Variants in WWOX observed in about 807,000 individuals in gnomAD.
WWOX encodes WW domain-containing oxidoreductase.
In WWOX, 69 loss-of-function variants were observed where a neutral mutation model predicts 46.2. That is an observed-to-expected ratio of 1.49 (90% CI 1.23 to 1.82). The LOEUF (loss-of-function observed/expected upper bound fraction) is 1.82, where lower values mean the gene tolerates loss of function less well. Ranked by LOEUF, WWOX falls within the 40% of genes most tolerant of loss-of-function variation. WWOX has a pLI of 0.00. For synonymous variants in WWOX, 359 were observed against 202.6 expected (o/e 1.77, Z -6.56); for missense variants, 919 against 542.6 (o/e 1.69, Z -6.89).
At chr16:78,596,086 A>G (rs1272157537) in intron 8 of WWOX, among the ~76,000 whole-genome samples, 1 of 152,142 alleles carries the variant, frequency 6.6e-6, no homozygotes, top group Non-Finnish European at 1.5e-5. Flanking sequence ...AAAATTTCTA[A>G]TCATGTGTGA....
At chr16:79,014,870 G>C (rs1032036400) in intron 8 of WWOX, among the ~76,000 whole-genome samples, 2 of 152,294 alleles carry the variant, frequency 1.3e-5, no homozygotes, top group African/African-American at 4.8e-5. Context: ...AGCACTTAGT[G>C]AGCATCAGCT....
intron 8 of WWOX, among the ~76,000 whole-genome samples, chr16:79,109,529 C>T (rs993233585): frequency 5.3e-5 from 8 of 152,068 alleles, no homozygotes; most frequent in Non-Finnish European, 8.8e-5. Flanking sequence ...TTTATGGGAT[C>T]TTGGCAAATT....
intron 8 of WWOX, among the ~76,000 whole-genome samples, chr16:79,079,091 C>T (rs921647815): frequency 1.3e-5 from 2 of 152,198 alleles, no homozygotes; most frequent in African/African-American, 4.8e-5. Context: ...TATAAAATGA[C>T]TTCTTGTTCA....
At chr16:78,853,798 A>G (rs1384117780) in intron 8 of WWOX, among the ~76,000 whole-genome samples, 1 of 152,096 alleles carries the variant, frequency 6.6e-6, no homozygotes, top group Non-Finnish European at 1.5e-5. Flanking sequence ...GAGATGCCAT[A>G]AGCAGTCCTT....
chr16:79,040,625 T>G (rs2047952895), intron 8 of WWOX, among the ~76,000 whole-genome samples: 1 of 152,148 alleles, frequency 6.6e-6, no homozygotes, highest in Non-Finnish European at 1.5e-5. Flanking sequence ...AGGAAAATCA[T>G]GACTGTAAAA....
chr16:78,893,334 G>C (rs148986252), intron 8 of WWOX, among the ~76,000 whole-genome samples: 18 of 152,230 alleles, frequency 1.2e-4, no homozygotes, highest in African/African-American at 4.1e-4. Context: ...CCTTTCGCCT[G>C]TCCCCTCTCA....
intron 8 of WWOX, among the ~76,000 whole-genome samples, chr16:78,480,497 T>C (rs1441373878): frequency 6.6e-6 from 1 of 152,270 alleles, no homozygotes; most frequent in Non-Finnish European, 1.5e-5. Flanking sequence ...AATAGGACTA[T>C]TGTTGTCCAT....
intron 8 of WWOX, among the ~76,000 whole-genome samples, chr16:78,924,879 C>G (rs549384407): frequency 3.3e-5 from 5 of 152,106 alleles, no homozygotes; most frequent in Non-Finnish European, 7.3e-5. Flanking sequence ...ACACAGTGTG[C>G]TCTCAATGTT....
chr16:78,918,654 G>A (rs1399122499), intron 8 of WWOX, among the ~76,000 whole-genome samples: 4 of 152,128 alleles, frequency 2.6e-5, no homozygotes, highest in African/African-American at 7.2e-5. Flanking sequence ...AACAGTTAAT[G>A]TTGAAATCAG....
At chr16:78,769,195 A>G (rs1214283944) in intron 8 of WWOX, among the ~76,000 whole-genome samples, 1 of 152,204 alleles carries the variant, frequency 6.6e-6, no homozygotes, top group Non-Finnish European at 1.5e-5. Flanking sequence ...AGAGATTCAT[A>G]TATGACTATT....
At chr16:79,124,615 C>G (rs1567566200) in intron 8 of WWOX, among the ~76,000 whole-genome samples, 1 of 151,958 alleles carries the variant, frequency 6.6e-6, no homozygotes, top group Non-Finnish European at 1.5e-5. Flanking sequence ...TATTTTTAAG[C>G]GAGACTTCTT....
intron 8 of WWOX, among the ~76,000 whole-genome samples, chr16:78,719,134 A>G (rs1427461900): frequency 6.6e-6 from 1 of 152,190 alleles, no homozygotes; most frequent in Non-Finnish European, 1.5e-5. Flanking sequence ...ATCATGTATC[A>G]TCTGTGTGAT....
At chr16:78,657,827 G>A (rs530631827) in intron 8 of WWOX, among the ~76,000 whole-genome samples, 1 of 152,066 alleles carries the variant, frequency 6.6e-6, no homozygotes, top group Non-Finnish European at 1.5e-5. Context: ...TTTTGTGTGT[G>A]TGTTATTTTG....
intron 6 of WWOX, among the ~76,000 whole-genome samples, chr16:78,391,869 C>T (rs1417830755): frequency 6.6e-6 from 1 of 152,102 alleles, no homozygotes; most frequent in Non-Finnish European, 1.5e-5. Flanking sequence ...GGCTAAAAAA[C>T]AACGTAAAAC....
At chr16:78,828,683 G>T (rs1301387852) in intron 8 of WWOX, among the ~76,000 whole-genome samples, 2 of 152,082 alleles carry the variant, frequency 1.3e-5, no homozygotes, top group African/African-American at 2.4e-5. Flanking sequence ...AATTATGTGT[G>T]TGCCAATTAT....
chr16:78,485,014 G>A (rs2738696), intron 8 of WWOX, among the ~76,000 whole-genome samples: 29,059 of 151,824 alleles, frequency 0.19, 2,980 homozygotes, highest in African/African-American at 0.25. Flanking sequence ...TTATAGATGA[G>A]GTTCCCTTAG....
At chr16:78,908,982 C>T (rs1031211840) in intron 8 of WWOX, among the ~76,000 whole-genome samples, 4 of 152,214 alleles carry the variant, frequency 2.6e-5, no homozygotes, top group Admixed American at 2.0e-4. Context: ...CCTGCAAAGG[C>T]AGTCTAGTCC....
intron 8 of WWOX, among the ~76,000 whole-genome samples, chr16:78,667,435 C>G (rs1276563182): frequency 6.6e-6 from 1 of 151,974 alleles, no homozygotes; most frequent in African/African-American, 2.4e-5. Context: ...CTTTGGGAGG[C>G]CGAGGCGGGT....
intron 8 of WWOX, among the ~76,000 whole-genome samples, chr16:78,725,344 C>CTTTTTTTTTTTT (rs1220702069): frequency 1.3e-4 from 8 of 61,866 alleles, no homozygotes; most frequent in Admixed American, 2.4e-4. Context: ...CTTTTCTTTT[C>CTTTTTTTTTTTT]TTTTTTTTTT....
Sources: gnomAD v4.1 joint callset for allele counts (sites outside exome capture counted in the v4.1 genomes callset) on GRCh38, gnomAD v4.1.1 for gene constraint, MANE v1.5 for transcripts, NCBI Gene and HGNC (gene_info 2026-07-23, HGNC 2026-07-21) for gene names.